The following BOC variants were observed in gnomAD, a reference collection of about 807,000 sequenced individuals.
BOC encodes the protein BOC cell adhesion associated, oncogene regulated, also known as brother of CDO.
BOC carries 76 observed loss-of-function variants against 112.0 expected under a neutral mutation model. The ratio of observed to expected loss-of-function variants is 0.68; its 90% CI spans 0.56 to 0.82. BOC has a LOEUF of 0.82. Ranked by LOEUF, BOC falls within the 40% of genes least tolerant of loss-of-function variation. The pLI, the probability that BOC is intolerant of heterozygous loss-of-function variation, is 0.00. For synonymous variants in BOC, 580 were observed against 599.8 expected, an observed-to-expected ratio of 0.97 and a Z score of 0.48; for missense variants, 1,309 against 1,511.7, an observed-to-expected ratio of 0.87 and a Z score of 2.22.
intron 4 of BOC, among the ~76,000 whole-genome samples, chr3:113,256,048 T>C (rs1410363270): frequency 6.6e-6 from 1 of 152,112 alleles, no homozygotes; most frequent in Non-Finnish European, 1.5e-5. Context: ...GTCTCATGGG[T>C]TTTTTGAGGA....
chr3:113,247,201 C>T (rs1408207504), intron 2 of BOC, among the ~76,000 whole-genome samples: 1 of 152,020 alleles, frequency 6.6e-6, no homozygotes, highest in East Asian at 1.9e-4. Flanking sequence ...CTTCTTGGGG[C>T]ATGGAAGGAA....
At chr3:113,280,867 T>G (rs1376660250) in intron 14 of BOC, among the ~76,000 whole-genome samples, 164 bp from the exon 15 acceptor site, 4 of 152,150 alleles carry the variant, frequency 2.6e-5, no homozygotes, top group Admixed American at 2.6e-4. Context: ...ACAACCTGGG[T>G]GGACACCTAG....
chr3:113,272,152 A>T (rs1948186714), intron 6 of BOC: 1 of 561,376 alleles, frequency 1.8e-6, no homozygotes, highest in Non-Finnish European at 3.2e-6. Flanking sequence ...AACTGTGCAT[A>T]TGTTATGTTG....
chr3:113,242,461 T>C (rs1264401997), intron 2 of BOC, among the ~76,000 whole-genome samples: 3 of 152,148 alleles, frequency 2.0e-5, no homozygotes, highest in Non-Finnish European at 4.4e-5. Flanking sequence ...AGAAGCTCTG[T>C]GGGCAAATCA....
chr3:113,219,316 C>G (rs1442723361), intron 2 of BOC, among the ~76,000 whole-genome samples: 1 of 152,250 alleles, frequency 6.6e-6, no homozygotes, highest in East Asian at 1.9e-4. Context: ...GCCTCCACTG[C>G]CCTTCCAGCG....
At chr3:113,246,253 A>G (rs1576399438) in intron 2 of BOC, among the ~76,000 whole-genome samples, 1 of 152,150 alleles carries the variant, frequency 6.6e-6, no homozygotes, top group Non-Finnish European at 1.5e-5. Flanking sequence ...CCTAGGCCTC[A>G]ATGAGGTGTC....
Position 113,274,389 on chromosome 3 carries a change from C to A in BOC, c.1249C>A (p.Leu417Ile). ...RTSRPSITPRLWQDAELATGT... is the reference protein window; with the variant it reads ...RTSRPSITPRIWQDAELATGT... Reference sequence around the variant, plus strand: ...TGGTCCTCCAGGCATAACCCCAAGGCTATGGCAGGATGCTGAGCTGGCTAC... The same window carrying A: ...TGGTCCTCCAGGCATAACCCCAAGGATATGGCAGGATGCTGAGCTGGCTAC... Residue 417 changes from leucine to isoleucine, a missense_variant, in exon 9 of 20, where the codon CTA becomes ATA. By Grantham distance (5) the Leu-to-Ile change is conservative. Transcript: ENST00000682979. This position sits in a 1 kb window ranked among gnomAD's most constrained non-coding sequence, Gnocchi z 4.8. 2 of 1,551,750 alleles carry A rather than the reference C, an allele frequency of 1.3e-6. No homozygotes were observed. Among genetic ancestry groups the A allele is most frequent in the Non-Finnish European group, 1.7e-6 (2 of 1,145,264 alleles).
At chr3:113,269,749 T>C (rs1947904710) in intron 5 of BOC, 1 of 152,108 alleles carries the variant, frequency 6.6e-6, no homozygotes, top group South Asian at 2.1e-4. Context: ...CAGCAGAAGG[T>C]TGGCAGCAGC....
At position 113,228,497 on chromosome 3, in the gene BOC, A is replaced by G. The variant is rs561582706; in HGVS notation, c.-82+12223A>G. Among the ~76,000 whole-genome samples, 10 of 152,282 alleles carry G rather than the reference A, an allele frequency of 6.6e-5. No individual in the cohort carries two copies. The South Asian group carries it at 2.1e-3, about 32-fold the overall frequency. On this transcript the variant is annotated intron_variant, in intron 2 of 19. Coordinates refer to ENST00000682979, the MANE Select transcript of BOC (RefSeq NM_001378074.1). ...GGTGAGGTAGGTCAGGATTATGAGA[A>G]TGAAGACTCCATCTCCAGACCCTTT...
chr3:113,225,295 A>C (rs1442264879), intron 2 of BOC, among the ~76,000 whole-genome samples: 4 of 151,848 alleles, frequency 2.6e-5, no homozygotes, highest in Non-Finnish European at 4.4e-5. Flanking sequence ...ACAAAAAAAA[A>C]CCCCAACTTC....
intron 2 of BOC, among the ~76,000 whole-genome samples, chr3:113,242,391 A>T (rs1022070763): frequency 6.6e-6 from 1 of 151,704 alleles, no homozygotes; most frequent in Non-Finnish European, 1.5e-5. Context: ...GACAAAGAAA[A>T]CTCCCCAGTA....
intron 2 of BOC, among the ~76,000 whole-genome samples, chr3:113,240,354 C>T (rs1469290874): frequency 3.9e-5 from 6 of 152,160 alleles, no homozygotes; most frequent in African/African-American, 1.4e-4. Flanking sequence ...CAAAGGACAC[C>T]TGTGAGATAC....
At chr3:113,272,938 C>T (rs1267442727) in intron 7 of BOC, 131 bp from the exon 8 acceptor site, 3 of 1,235,124 alleles carry the variant, frequency 2.4e-6, no homozygotes, top group Non-Finnish European at 3.4e-6. Flanking sequence ...CTCCTTCCCT[C>T]TACTCTGCCC....
intron 2 of BOC, among the ~76,000 whole-genome samples, chr3:113,244,504 G>A (rs190140355): frequency 2.0e-5 from 3 of 152,092 alleles, no homozygotes; most frequent in Non-Finnish European, 4.4e-5. Flanking sequence ...CCAGATATTA[G>A]TCTAGAACTG....
intron 1 of BOC, among the ~76,000 whole-genome samples, chr3:113,213,954 G>A (rs979174496): frequency 1.3e-5 from 2 of 152,206 alleles, no homozygotes; most frequent in Non-Finnish European, 2.9e-5. Context: ...CATTTATGAA[G>A]CCTGAGGATT....
At chr3:113,253,019 C>T (rs1425429821) in intron 4 of BOC, among the ~76,000 whole-genome samples, 3 of 152,172 alleles carry the variant, frequency 2.0e-5, no homozygotes, top group African/African-American at 7.2e-5. Flanking sequence ...CCCACCTCCA[C>T]TTTGATATTT....
At chr3:113,238,548 T>G (rs1389645597) in intron 2 of BOC, among the ~76,000 whole-genome samples, 1 of 152,254 alleles carries the variant, frequency 6.6e-6, no homozygotes, top group African/African-American at 2.4e-5. Flanking sequence ...ATTTTCATGT[T>G]GCTACTTGAG....
At chr3:113,270,712 C>T (rs1401464632) in intron 5 of BOC, 89 bp from the exon 6 acceptor site, 4 of 1,468,988 alleles carry the variant, frequency 2.7e-6, no homozygotes, top group Non-Finnish European at 2.8e-6. Context: ...GCCTGTTCCT[C>T]TCCCTCCGTG....
Position 113,260,721 on chromosome 3 carries a change from A to AAGAACAGAACAGAACAGAAC in BOC, c.377-7565_377-7546dup, listed in dbSNP as rs1553737947. ...ACAGAACAGAACAGAACAGAACAGAAAGAACAGAACAGAACAGAACAGAAC... is the reference window on the plus strand; with the variant it reads ...ACAGAACAGAACAGAACAGAACAGAAAGAACAGAACAGAACAGAACAGAACAGAACAGAACAGAACAGAAC... On this transcript the variant is annotated intron_variant, in intron 4 of 19. Transcript: ENST00000682979. Among the ~76,000 whole-genome samples the AAGAACAGAACAGAACAGAAC allele has an allele frequency of 8.7e-3, 803 of 92,202 alleles. 21 individuals carry two copies. The highest frequency in any genetic ancestry group is 0.024 in the African/African-American group (581 of 23,980). The allele number at this position is 92,202 out of a possible 152,430, so 60.5% of individuals were successfully genotyped here. A position where few individuals can be genotyped will look rare whatever the true frequency, so the allele number is the denominator to read the frequency against.
Sources: gnomAD v4.1 joint callset for allele counts (sites outside exome capture counted in the v4.1 genomes callset) on GRCh38, gnomAD v4.1.1 for gene constraint, Gnocchi (gnomAD v3.1) non-coding constraint, MANE v1.5 for transcripts, NCBI Gene and HGNC (gene_info 2026-07-23, HGNC 2026-07-21) for gene names.